Variants in TEX101 observed in about 807,000 individuals in gnomAD.
TEX101 encodes testis-expressed protein 101.
TEX101 carries 10 observed loss-of-function variants against 18.1 expected under a neutral mutation model. The ratio of observed to expected loss-of-function variants is 0.55; its 90% CI spans 0.34 to 0.94. TEX101 has a LOEUF of 0.94. Ranked by LOEUF, TEX101 falls within the 40% of genes least tolerant of loss-of-function variation. The pLI is 0.02. For missense variants in TEX101, 259 were observed against 298.9 expected (o/e 0.87, Z 0.98); for synonymous variants, 94 against 114.8 (o/e 0.82, Z 1.16).
chr19:43,410,121 C>A (rs1474506365), upstream of TEX101, among the ~76,000 whole-genome samples: 4 of 152,126 alleles, frequency 2.6e-5, no homozygotes, highest in Admixed American at 1.3e-4. Context: ...GATCTCAATC[C>A]TTTACAAGTA....
chr19:43,403,431 T>A (rs1182991467), intron 2 of TEX101, among the ~76,000 whole-genome samples: 3 of 152,018 alleles, frequency 2.0e-5, no homozygotes, highest in Non-Finnish European at 4.4e-5. Context: ...CCGGGGCCTG[T>A]CTTGGAGTTG....
chr19:43,392,069 C>T, the TEX101 span, among the ~76,000 whole-genome samples: 1 of 152,028 alleles, frequency 6.6e-6, no homozygotes, highest in African/African-American at 2.4e-5. Context: ...GAGAAACACA[C>T]AGAGAGAGTT....
At chr19:43,400,007 G>C (rs922260901), upstream of TEX101, among the ~76,000 whole-genome samples, 7 of 151,850 alleles carry the variant, frequency 4.6e-5, no homozygotes, top group Non-Finnish European at 8.8e-5. Context: ...TAAAGACAGG[G>C]TTTCACCATG....
chr19:43,399,808 T>C (rs1970304074), upstream of TEX101, among the ~76,000 whole-genome samples: 1 of 151,344 alleles, frequency 6.6e-6, no homozygotes, highest in African/African-American at 2.4e-5. Context: ...TCCTATTTTT[T>C]TTTTTTTTTT....
upstream of TEX101, among the ~76,000 whole-genome samples, chr19:43,400,528 G>C (rs1220569008): frequency 6.6e-6 from 1 of 152,124 alleles, no homozygotes; most frequent in Non-Finnish European, 1.5e-5. Context: ...TTTGCACTAA[G>C]AATAACAGTA....
chr19:43,410,222 C>T (rs749684517), upstream of TEX101, among the ~76,000 whole-genome samples: 35 of 152,012 alleles, frequency 2.3e-4, no homozygotes, highest in Admixed American at 7.9e-4. Context: ...GGGAGCTGCA[C>T]GATGCTTATG....
chr19:43,393,357 T>A, the TEX101 span, among the ~76,000 whole-genome samples: 828 of 152,292 alleles, frequency 5.4e-3, 7 homozygotes, highest in African/African-American at 0.019. Context: ...ACAGCCTGCA[T>A]CCCATCCATC....
the TEX101 span, among the ~76,000 whole-genome samples, chr19:43,390,450 C>CTTTTTTTTTTTTTTTTTTTTT: frequency 1.6e-5 from 1 of 62,876 alleles, no homozygotes; most frequent in African/African-American, 6.3e-5. Context: ...CTTTTCTTTT[C>CTTTTTTTTTTTTTTTTTTTTT]TTTTTTTTTC....
At chr19:43,390,460 CTTTTTTT>C in the TEX101 span, among the ~76,000 whole-genome samples, 7 of 49,854 alleles carry the variant, frequency 1.4e-4, no homozygotes, top group African/African-American at 4.2e-4. Flanking sequence ...CTTTTTTTTT[CTTTTTTT>C]TTTTTTTTTT....
rs771121389 is a variant in TEX101 at position 43,418,411 on chromosome 19, G to T, written c.*14G>T. On this transcript the variant is annotated 3_prime_UTR_variant, in exon 6 of 6. Coordinates refer to ENST00000598265, the MANE Select transcript of TEX101 (RefSeq NM_001130011.3). ...CACTTTTCCTAAGAAGGCACTTCTG[G>T]GCCTGGGTCTGAGGACATCTTTTTT... 46 of 1,606,236 alleles carry T rather than the reference G, an allele frequency of 2.9e-5. No homozygotes were observed. Among genetic ancestry groups the T allele is most frequent in the Non-Finnish European group, 3.8e-5 (45 of 1,174,462 alleles).
the TEX101 span, among the ~76,000 whole-genome samples, chr19:43,388,980 T>TC: frequency 6.6e-6 from 1 of 152,024 alleles, no homozygotes; most frequent in Non-Finnish European, 1.5e-5. Flanking sequence ...GCCCTGCCTC[T>TC]CCTGGTTCAT....
At chr19:43,389,355 G>A in the TEX101 span, among the ~76,000 whole-genome samples, 1 of 152,246 alleles carries the variant, frequency 6.6e-6, no homozygotes, top group Non-Finnish European at 1.5e-5. Context: ...GCACCAGGAA[G>A]CAGAGGGTGC....
the TEX101 span, among the ~76,000 whole-genome samples, chr19:43,392,915 G>A: frequency 9.9e-5 from 15 of 151,994 alleles, no homozygotes; most frequent in East Asian, 5.8e-4. Flanking sequence ...AAAATTAGCC[G>A]GATGTGGTGG....
rs1376810568 is a variant in TEX101 at position 43,408,271 on chromosome 19, GTCT to G, written c.15+1756_15+1758del. On this transcript the variant is annotated intron_variant, in intron 3 of 7. Transcript: ENST00000602198. ...CCGCAGCGTCCTGTTTGGGAGCCAG[GTCT>G]TCTCCTCGTTCTGCCCGGGCTCGAC... 3.3e-5 allele frequency among the ~76,000 whole-genome samples: 5 copies of G among 152,320 alleles called. No homozygotes were observed. The East Asian group carries it at 7.8e-4, about 24-fold the overall frequency.
At chr19:43,394,159 C>T in the TEX101 span, among the ~76,000 whole-genome samples, 1 of 151,442 alleles carries the variant, frequency 6.6e-6, no homozygotes, top group East Asian at 1.9e-4. Context: ...ATATTATACC[C>T]TTTTCTCTCC....
chr19:43,395,419 C>T, the TEX101 span, among the ~76,000 whole-genome samples: 1 of 152,194 alleles, frequency 6.6e-6, no homozygotes, highest in Non-Finnish European at 1.5e-5. Flanking sequence ...CATCTTTCCC[C>T]ACCCAGGTGG....
chr19:43,393,309 G>A, the TEX101 span, among the ~76,000 whole-genome samples: 5 of 152,202 alleles, frequency 3.3e-5, no homozygotes, highest in African/African-American at 1.2e-4. Context: ...CCAATGCCCA[G>A]TGCCCCTGAG....
upstream of TEX101, among the ~76,000 whole-genome samples, chr19:43,400,411 T>G (rs1970309197): frequency 6.6e-6 from 1 of 152,250 alleles, no homozygotes; most frequent in Non-Finnish European, 1.5e-5. Flanking sequence ...AATGAAAGAT[T>G]CTTGGGTTTT....
the TEX101 span, among the ~76,000 whole-genome samples, chr19:43,392,836 T>A: frequency 1.3e-5 from 2 of 152,126 alleles, no homozygotes; most frequent in South Asian, 2.1e-4. Flanking sequence ...GACGGGTGGA[T>A]CATTTGAGAT....
Sources: allele counts gnomAD v4.1 joint callset (sites outside exome capture counted in the v4.1 genomes callset), GRCh38; gene constraint gnomAD v4.1.1; transcripts MANE v1.5; gene names NCBI Gene and HGNC (gene_info 2026-07-23, HGNC 2026-07-21).